Variants in CDH11 observed in about 807,000 individuals in gnomAD.
The protein encoded by CDH11 is cadherin-11.
In CDH11, 11 loss-of-function variants were observed where a neutral mutation model predicts 67.8. The observed-to-expected ratio is 0.16, with a 90% confidence interval of 0.10 to 0.27. The LOEUF (loss-of-function observed/expected upper bound fraction) is 0.27. Among genes scored for constraint, CDH11 ranks in the 10% least tolerant of loss-of-function variants. The pLI is 1.00. For missense variants in CDH11, 847 were observed against 1,031.2 expected (o/e 0.82, Z 2.45); for synonymous variants, 419 against 400.0 (o/e 1.05, Z -0.57).
intron 8 of CDH11, among the ~76,000 whole-genome samples, chr16:64,980,045 G>A (rs2072290133): frequency 6.6e-6 from 1 of 152,150 alleles, no homozygotes; most frequent in South Asian, 2.1e-4. Context: ...TAAGTTAATT[G>A]TTACAGGAGG....
At chr16:65,058,917 G>T (rs1315607124) in intron 1 of CDH11, among the ~76,000 whole-genome samples, 2 of 152,106 alleles carry the variant, frequency 1.3e-5, no homozygotes, top group East Asian at 3.9e-4. Context: ...ATTATGAAAA[G>T]ATATATTGTG....
rs116644671 is a variant in CDH11 at position 65,121,162 on chromosome 16, G to A, written c.-298+718C>T. On this transcript the variant is annotated intron_variant, in intron 1 of 12. Coordinates refer to ENST00000268603, the MANE Select transcript of CDH11 (RefSeq NM_001797.4). This position sits in a 1 kb window ranked among gnomAD's most constrained non-coding sequence, Gnocchi z 4.1. ...CGAGCCCGAGTCTGGGCCGCTCATGGACCTACTCCTGCGCTGGTGGGAGCT... is the reference window on the plus strand; with the variant it reads ...CGAGCCCGAGTCTGGGCCGCTCATGAACCTACTCCTGCGCTGGTGGGAGCT... Among the ~76,000 whole-genome samples, 675 of 152,296 alleles carry A rather than the reference G, an allele frequency of 4.4e-3. 4 individuals carry two copies. Among genetic ancestry groups the A allele is most frequent in the African/African-American group, 0.015 (636 of 41,572 alleles).
At position 64,945,042 on chromosome 16, in the gene CDH11, T is replaced by A. The variant is rs549872716; in HGVS notation, c.*2561A>T. On this transcript the variant is annotated 3_prime_UTR_variant, in exon 13 of 13. Transcript: ENST00000268603. ...AATAAGATTTTGATGAATTAATGAA[T>A]GAATCAATGAATGAATGATGACTAG... The A allele has an allele frequency of 3.9e-5, 8 of 206,626 alleles. No individual in the cohort carries two copies. The highest frequency in any genetic ancestry group is 1.2e-4 in the Admixed American group (2 of 16,872). The allele number at this position is 206,626 out of a possible 1,614,324, so 12.8% of individuals were successfully genotyped here.
chr16:65,088,676 T>G (rs559073695), intron 1 of CDH11, among the ~76,000 whole-genome samples: 1 of 152,298 alleles, frequency 6.6e-6, no homozygotes, highest in African/African-American at 2.4e-5. Context: ...TTTTATCAGC[T>G]ATATTAAGGT....
intron 1 of CDH11, among the ~76,000 whole-genome samples, chr16:65,076,424 T>C (rs973086202): frequency 6.6e-6 from 1 of 152,070 alleles, no homozygotes; most frequent in African/African-American, 2.4e-5. Flanking sequence ...GCAGCATCCA[T>C]CAATAACCTC....
chr16:65,086,990 C>G, intron 1 of CDH11, among the ~76,000 whole-genome samples: 1 of 152,082 alleles, frequency 6.6e-6, no homozygotes, highest in East Asian at 1.9e-4. Context: ...TTAGGGCCTT[C>G]AGAGTGAATT....
intron 1 of CDH11, among the ~76,000 whole-genome samples, chr16:65,089,735 T>C (rs1220506548): frequency 6.6e-6 from 1 of 152,188 alleles, no homozygotes; most frequent in Non-Finnish European, 1.5e-5. Context: ...GGTAGCACTT[T>C]AAATTACCAT....
At chr16:65,063,537 A>C (rs2074266133) in intron 1 of CDH11, among the ~76,000 whole-genome samples, 1 of 152,184 alleles carries the variant, frequency 6.6e-6, no homozygotes, top group Admixed American at 6.5e-5. Context: ...CCATCAAGAA[A>C]ATGAGGCTGG....
At chr16:65,022,878 A>G (rs1326117465) in intron 2 of CDH11, among the ~76,000 whole-genome samples, 2 of 152,206 alleles carry the variant, frequency 1.3e-5, no homozygotes, top group Non-Finnish European at 2.9e-5. Flanking sequence ...CACAAGACCT[A>G]ACGCAATTGG....
intron 1 of CDH11, among the ~76,000 whole-genome samples, chr16:65,089,814 A>T (rs929282880): frequency 1.3e-5 from 2 of 152,202 alleles, no homozygotes; most frequent in African/African-American, 4.8e-5. Context: ...AGTTATTTTA[A>T]AATCTCTTAA....
chr16:65,005,043 T>C lies in CDH11; in HGVS notation c.-172-2A>G. On this transcript the variant is annotated splice_acceptor_variant, in intron 2 of 12. Coordinates refer to ENST00000268603, the MANE Select transcript of CDH11 (RefSeq NM_001797.4). LOFTEE classifies it low-confidence loss of function (5UTR_SPLICE). ...GCTGCCCACGTCCCCAGTTAGCTTC[T>C]GCAAGCAGAGAGAGGTTGGATTAAC... The C allele has an allele frequency of 1.5e-6, 2 of 1,345,026 alleles. No homozygotes were observed. Among genetic ancestry groups the C allele is most frequent in the African/African-American group, 1.5e-5 (1 of 66,428 alleles). 83.3% of individuals were successfully genotyped at this position (1,345,026 alleles called of 1,614,324 possible).
chr16:65,088,504 CAAGT>C (rs1323993152), intron 1 of CDH11, among the ~76,000 whole-genome samples: 2 of 152,116 alleles, frequency 1.3e-5, no homozygotes, highest in Non-Finnish European at 2.9e-5. Context: ...TACTATACCA[CAAGT>C]AATTCTCTAC....
At chr16:64,991,133 C>T (rs1027200830) in intron 6 of CDH11, among the ~76,000 whole-genome samples, 1 of 152,094 alleles carries the variant, frequency 6.6e-6, no homozygotes, top group African/African-American at 2.4e-5. Flanking sequence ...ACAATTTCTG[C>T]CTGGTGCCCT....
intron 8 of CDH11, among the ~76,000 whole-genome samples, chr16:64,978,814 G>A (rs1322954713): frequency 6.6e-6 from 1 of 151,808 alleles, no homozygotes; most frequent in Non-Finnish European, 1.5e-5. Flanking sequence ...AAATGTGAAA[G>A]CTAAAAGCAT....
At chr16:64,971,348 C>T (rs2071999143) in intron 11 of CDH11, among the ~76,000 whole-genome samples, 1 of 152,146 alleles carries the variant, frequency 6.6e-6, no homozygotes, top group South Asian at 2.1e-4. Context: ...ACTTAGTTTT[C>T]CCACTGCTTC....
chr16:65,012,226 G>C (rs1487658201), intron 2 of CDH11, among the ~76,000 whole-genome samples: 1 of 152,186 alleles, frequency 6.6e-6, no homozygotes, highest in Admixed American at 6.5e-5. Flanking sequence ...CAAACCTCTT[G>C]TAAATAAACT....
chr16:65,086,524 G>T lies in CDH11; in HGVS notation c.-297-32596C>A, dbSNP rs184864939. 8.3e-3 allele frequency among the ~76,000 whole-genome samples: 1,262 copies of T among 152,316 alleles called. 17 individuals are homozygous for T. Among genetic ancestry groups the T allele is most frequent in the African/African-American group, 0.029 (1,223 of 41,570 alleles). ...TTATTCACCCTTTGTGATTATGAAG[G>T]CACCTTCCTGTAAAGAAAGCTGTTA... On this transcript the variant is annotated intron_variant, in intron 1 of 12. Transcript: ENST00000268603.
chr16:65,014,346 A>G (rs1485813153), intron 2 of CDH11, among the ~76,000 whole-genome samples: 1 of 152,244 alleles, frequency 6.6e-6, no homozygotes, highest in Admixed American at 6.5e-5. Context: ...CTTAATTTTT[A>G]CAATGTATTT....
intron 2 of CDH11, among the ~76,000 whole-genome samples, chr16:65,048,647 C>T (rs777521505): frequency 3.3e-5 from 5 of 150,994 alleles, no homozygotes; most frequent in East Asian, 1.9e-4. Context: ...TGTATATATA[C>T]GTGTCTATAT....
Sources: allele counts gnomAD v4.1 joint callset (sites outside exome capture counted in the v4.1 genomes callset), GRCh38; gene constraint gnomAD v4.1.1; non-coding constraint Gnocchi (gnomAD v3.1); transcripts MANE v1.5; gene names NCBI Gene and HGNC (gene_info 2026-07-23, HGNC 2026-07-21).